The following SPTAN1 variants were observed in gnomAD, a reference collection of about 807,000 sequenced individuals.
The protein encoded by SPTAN1 is spectrin alpha, non-erythrocytic 1.
SPTAN1 carries 61 observed loss-of-function variants against 331.3 expected under a neutral mutation model. That is an observed-to-expected ratio of 0.18 (90% CI 0.15 to 0.23). The LOEUF is 0.23. SPTAN1 is among the 10% of genes least tolerant of loss of function. The probability of loss-of-function intolerance (pLI) is 1.00; values close to 1 mark genes in which losing one functional copy is unlikely to be tolerated. For missense variants in SPTAN1, 2,043 were observed against 3,147.9 expected (o/e 0.65, Z 8.40); for synonymous variants, 1,153 against 1,173.9 (o/e 0.98, Z 0.36).
Position 128,633,661 on chromosome 9 carries a change from A to C in SPTAN1, c.*327A>C. 6.8e-7 allele frequency: 1 copy of C among 1,469,140 alleles called. No individual in the cohort carries two copies. The allele number at this position is 1,469,140 out of a possible 1,614,324, so 91.0% of individuals were successfully genotyped here. On this transcript the variant is annotated 3_prime_UTR_variant, in exon 57 of 57. Transcript: ENST00000372739. ...GACAAATAAATGATGACTTCCCCCA[A>C]AGCTTTGCTTTTCTTCATTTGGCTT...
chr9:128,557,586 T>A (rs991781573), intron 1 of SPTAN1, among the ~76,000 whole-genome samples: 29 of 151,314 alleles, frequency 1.9e-4, no homozygotes, highest in African/African-American at 7.0e-4. Flanking sequence ...TGCCCCCAAA[T>A]ACCCCCAAAT....
chr9:128,607,512 A>G (rs1856046256), intron 31 of SPTAN1, 92 bp from the exon 32 acceptor site: 1 of 1,141,094 alleles, frequency 8.8e-7, no homozygotes, highest in Non-Finnish European at 1.3e-6. Flanking sequence ...TAACTTTCTG[A>G]GGCAAGAATT....
At chr9:128,573,242 C>T (rs1232212631) in intron 3 of SPTAN1, among the ~76,000 whole-genome samples, 2 of 152,214 alleles carry the variant, frequency 1.3e-5, no homozygotes, top group Non-Finnish European at 1.5e-5. Context: ...CTAATTTCCT[C>T]CAATTCTTGA....
chr9:128,580,813 G>A (rs1409666548), intron 10 of SPTAN1, 109 bp from the exon 11 acceptor site: 5 of 1,514,642 alleles, frequency 3.3e-6, no homozygotes, highest in Non-Finnish European at 4.5e-6. Flanking sequence ...TCGGAAAAAA[G>A]GCCTGAAGAT....
rs1851127959 is a variant in SPTAN1, at chr9:128,574,876, T to C, written c.504+61T>C. 25 of 1,610,932 alleles carry C rather than the reference T, an allele frequency of 1.6e-5. No individual in the cohort carries two copies. The South Asian group carries it at 2.6e-4, about 17-fold the overall frequency. Reference sequence around the variant, plus strand: ...TCAAAGAAAAGGGAAGAGACTCCTCTGTGATCTGTAGTGAGACCCAGTGTT... The same window carrying C: ...TCAAAGAAAAGGGAAGAGACTCCTCCGTGATCTGTAGTGAGACCCAGTGTT... On this transcript the variant is annotated intron_variant, in intron 4 of 56. Coordinates refer to ENST00000372739, the MANE Select transcript of SPTAN1 (RefSeq NM_001130438.3).
intron 40 of SPTAN1, among the ~76,000 whole-genome samples, chr9:128,614,543 T>C (rs1477515105): frequency 1.3e-5 from 2 of 151,752 alleles, no homozygotes; most frequent in Non-Finnish European, 2.9e-5. Flanking sequence ...TGAGCCGAGA[T>C]TGTGTAACTG....
intron 1 of SPTAN1, among the ~76,000 whole-genome samples, chr9:128,565,119 A>T (rs1002840795): frequency 6.6e-6 from 1 of 152,192 alleles, no homozygotes; most frequent in Non-Finnish European, 1.5e-5. Context: ...CCTGGCCAAC[A>T]TGGTGAAACC....
chr9:128,599,132 A>G, intron 26 of SPTAN1, 146 bp downstream of exon 26: 1 of 849,708 alleles, frequency 1.2e-6, no homozygotes, highest in South Asian at 1.3e-5. Flanking sequence ...GAAAACTCCA[A>G]AAATTGATTT....
intron 12 of SPTAN1, 174 bp downstream of exon 12, chr9:128,582,066 T>A (rs537438113): frequency 1.6e-6 from 1 of 641,760 alleles, no homozygotes. Flanking sequence ...AATACAACTT[T>A]ATGGAAAAAT....
chr9:128,626,191 C>G, intron 48 of SPTAN1, 200 bp from the exon 49 acceptor site: 1 of 903,314 alleles, frequency 1.1e-6, no homozygotes, highest in Admixed American at 2.2e-5. Context: ...AGACTAGAGA[C>G]AAGGGCAAAG....
chr9:128,567,064 A>G (rs1589150177), intron 2 of SPTAN1, 87 bp downstream of exon 2: 1 of 1,576,026 alleles, frequency 6.3e-7, no homozygotes, highest in East Asian at 2.2e-5. Flanking sequence ...TTACTTAATT[A>G]TGACCTTGAG....
chr9:128,598,597 A>G (rs1028634247), intron 25 of SPTAN1, 93 bp downstream of exon 25: 2 of 1,094,700 alleles, frequency 1.8e-6, no homozygotes, highest in Admixed American at 2.0e-5. Flanking sequence ...GCAGTGTTTC[A>G]TAACACAGAA....
Position 128,626,482 on chromosome 9 carries a change from G to A in SPTAN1, c.6371G>A (p.Arg2124His), listed in dbSNP as rs763928650. 5.0e-6 allele frequency: 8 copies of A among 1,614,064 alleles called. No homozygotes were observed. Among genetic ancestry groups the A allele is most frequent in the Non-Finnish European group, 5.9e-6 (7 of 1,180,038 alleles). ...NAEEDLTDPVRCNSLEEIKAL... is the reference protein window; with the variant it reads ...NAEEDLTDPVHCNSLEEIKAL... ...GAGGAGGACTTAACAGACCCCGTGC[G>A]CTGCAACTCCTTGGAAGAAATCAAA... The change falls in exon 49 of 57, where the codon CGC becomes CAC. Residue 2124 changes from arginine (R) to histidine (H), a missense_variant. Physicochemically the swap from Arg to His is conservative, Grantham distance 29. Transcript: ENST00000372739.
intron 21 of SPTAN1, among the ~76,000 whole-genome samples, chr9:128,590,614 G>A (rs1853354913): frequency 6.6e-6 from 1 of 151,216 alleles, no homozygotes; most frequent in African/African-American, 2.4e-5. Flanking sequence ...CGCTTTGGGA[G>A]GCTGAGGTGG....
At chr9:128,623,390 T>C (rs1051591041) in intron 45 of SPTAN1, among the ~76,000 whole-genome samples, 3 of 152,002 alleles carry the variant, frequency 2.0e-5, no homozygotes, top group Non-Finnish European at 4.4e-5. Context: ...TTAAGTGATA[T>C]GATTCAGTTT....
At position 128,591,570 on chromosome 9, in the gene SPTAN1, A is replaced by G. The variant is rs1460918561; in HGVS notation, c.3100A>G (p.Asn1034Asp). The G allele has an allele frequency of 6.2e-7, 1 of 1,613,998 alleles. No individual in the cohort carries two copies. The highest frequency in any genetic ancestry group is 8.5e-7 in the Non-Finnish European group (1 of 1,180,020). Residue 1034 changes from asparagine to aspartate, a missense_variant, in exon 22 of 57, where the codon AAT becomes GAT. Asn to Asp is a conservative substitution (Grantham distance 23, BLOSUM62 1). Coordinates refer to ENST00000372739, the MANE Select transcript of SPTAN1 (RefSeq NM_001130438.3). ...CCCCGCCCAGTCAGCCTCCCGGGAG[A>G]ATCTCCTGGAGGAGCAAGGCAGCAT... is the stretch of plus-strand genomic sequence containing the variant. ...LDPAQSASRE[N>D]LLEEQGSIAL... is the part of the protein sequence containing the mutation.
chr9:128,560,767 C>T (rs1188838553), intron 1 of SPTAN1, among the ~76,000 whole-genome samples: 1 of 151,964 alleles, frequency 6.6e-6, no homozygotes, highest in Admixed American at 6.6e-5. Flanking sequence ...CGTCTGTAAT[C>T]CCAGCACTTT....
Position 128,625,298 on chromosome 9 carries a change from G to T in SPTAN1, c.6069+119G>T, listed in dbSNP as rs1858564668. Reference sequence around the variant, plus strand: ...AGCCCCTGGGGATCAGCAGGAAAAAGATCCTGTCCTGGTCCTCAGGGAGCT... The same window carrying T: ...AGCCCCTGGGGATCAGCAGGAAAAATATCCTGTCCTGGTCCTCAGGGAGCT... On this transcript the variant is annotated intron_variant, in intron 47 of 56. Coordinates refer to ENST00000372739, the MANE Select transcript of SPTAN1 (RefSeq NM_001130438.3). This position sits in a 1 kb window ranked among gnomAD's most constrained non-coding sequence, Gnocchi z 4.1. 3.8e-6 allele frequency: 4 copies of T among 1,046,026 alleles called. No individual in the cohort carries two copies. In the South Asian group the frequency reaches 5.4e-5, roughly 14 times the overall value. The allele number at this position is 1,046,026 out of a possible 1,614,324, so 64.8% of individuals were successfully genotyped here. A position where few individuals can be genotyped will look rare whatever the true frequency, so the allele number is the denominator to read the frequency against.
intron 3 of SPTAN1, among the ~76,000 whole-genome samples, chr9:128,569,833 T>C (rs1010963526): frequency 2.0e-5 from 3 of 152,138 alleles, no homozygotes; most frequent in African/African-American, 7.2e-5. Flanking sequence ...TTTTCAACAA[T>C]AAATGTTTGT....
Sources: allele counts gnomAD v4.1 joint callset (sites outside exome capture counted in the v4.1 genomes callset), GRCh38; gene constraint gnomAD v4.1.1; non-coding constraint Gnocchi (gnomAD v3.1); transcripts MANE v1.5; gene names NCBI Gene and HGNC (gene_info 2026-07-23, HGNC 2026-07-21).